MAF: variants seen among roughly 807,000 people sequenced by gnomAD.
The protein encoded by MAF is transcription factor Maf.
In MAF, 10 loss-of-function variants were observed where a neutral mutation model predicts 22.0. The ratio of observed to expected loss-of-function variants is 0.45; its 90% CI spans 0.28 to 0.77. MAF has a LOEUF of 0.77. Ranked by LOEUF, MAF falls within the 30% of genes least tolerant of loss-of-function variation. MAF has a pLI of 0.12. For missense variants in MAF, 544 were observed against 548.4 expected (o/e 0.99, Z 0.08); for synonymous variants, 337 against 255.8 (o/e 1.32, Z -3.03).
the MAF span, among the ~76,000 whole-genome samples, chr16:79,454,501 G>A: frequency 6.6e-6 from 1 of 152,100 alleles, no homozygotes; most frequent in Non-Finnish European, 1.5e-5. Flanking sequence ...ATTAGAAGAA[G>A]AAAAGGAAGA....
the MAF span, among the ~76,000 whole-genome samples, chr16:79,545,316 G>T: frequency 6.6e-5 from 10 of 152,128 alleles, no homozygotes; most frequent in Non-Finnish European, 1.0e-4. Context: ...GAAAGGTGGG[G>T]AATGCAGAAC....
the MAF span, among the ~76,000 whole-genome samples, chr16:79,222,841 C>A: frequency 2.6e-5 from 4 of 152,140 alleles, no homozygotes; most frequent in Admixed American, 2.0e-4. Context: ...TATATGCACC[C>A]AATACCGGAG....
the MAF span, among the ~76,000 whole-genome samples, chr16:79,417,966 G>C: frequency 2.0e-5 from 3 of 152,082 alleles, no homozygotes; most frequent in African/African-American, 7.2e-5. Context: ...CCCCCGACTG[G>C]CCTATGTGTG....
the MAF span, among the ~76,000 whole-genome samples, chr16:79,399,499 T>C: frequency 6.6e-6 from 1 of 152,216 alleles, no homozygotes; most frequent in Admixed American, 6.5e-5. Flanking sequence ...CCTAACATCA[T>C]GGCTTCAGCC....
the MAF span, among the ~76,000 whole-genome samples, chr16:79,333,011 G>A: frequency 6.6e-5 from 10 of 152,306 alleles, no homozygotes; most frequent in East Asian, 5.8e-4. Flanking sequence ...CTGGACTGGC[G>A]CACAGCAGGT....
the MAF span, among the ~76,000 whole-genome samples, chr16:79,345,234 T>C: frequency 2.0e-5 from 3 of 152,196 alleles, no homozygotes; most frequent in African/African-American, 7.2e-5. Context: ...TAATATAATG[T>C]GCTTCCTAAA....
the MAF span, among the ~76,000 whole-genome samples, chr16:79,210,695 C>G: frequency 6.6e-6 from 1 of 151,998 alleles, no homozygotes; most frequent in African/African-American, 2.4e-5. Flanking sequence ...TCCCTCTGAA[C>G]AGCAGCCTAT....
the MAF span, among the ~76,000 whole-genome samples, chr16:79,368,298 G>A: frequency 6.6e-6 from 1 of 152,106 alleles, no homozygotes; most frequent in Admixed American, 6.5e-5. Context: ...CTATCTGCTT[G>A]AAATCATCCA....
chr16:79,371,286 C>A, the MAF span, among the ~76,000 whole-genome samples: 1 of 152,068 alleles, frequency 6.6e-6, no homozygotes, highest in Admixed American at 6.6e-5. Context: ...TGGAAAGTGA[C>A]CCTCCCTTGA....
At chr16:79,535,257 C>G in the MAF span, among the ~76,000 whole-genome samples, 1 of 152,010 alleles carries the variant, frequency 6.6e-6, no homozygotes. Context: ...TAGAGTTACT[C>G]AGAGACTGGC....
the MAF span, among the ~76,000 whole-genome samples, chr16:79,321,123 G>A: frequency 6.6e-6 from 1 of 152,192 alleles, no homozygotes; most frequent in Non-Finnish European, 1.5e-5. Flanking sequence ...GCTGTTCTGT[G>A]CCAATCACTG....
At chr16:79,405,433 T>C in the MAF span, among the ~76,000 whole-genome samples, 1 of 152,164 alleles carries the variant, frequency 6.6e-6, no homozygotes, top group Non-Finnish European at 1.5e-5. Context: ...CTCCTATTAG[T>C]TGAGAAAGTA....
chr16:79,432,301 G>A, the MAF span, among the ~76,000 whole-genome samples: 1 of 152,064 alleles, frequency 6.6e-6, no homozygotes, highest in Non-Finnish European at 1.5e-5. Flanking sequence ...GGATCTGTGG[G>A]TCAATGAGAC....
chr16:79,487,017 C>T, the MAF span, among the ~76,000 whole-genome samples: 11 of 151,996 alleles, frequency 7.2e-5, no homozygotes, highest in South Asian at 1.9e-3. Context: ...ACTTGGTGGT[C>T]GAGGTGAGAG....
the MAF span, among the ~76,000 whole-genome samples, chr16:79,283,355 T>A: frequency 6.6e-6 from 1 of 152,218 alleles, no homozygotes; most frequent in African/African-American, 2.4e-5. Flanking sequence ...AGTTTACACT[T>A]TGGGCTAGAA....
chr16:79,461,334 T>C, the MAF span, among the ~76,000 whole-genome samples: 3 of 152,112 alleles, frequency 2.0e-5, no homozygotes, highest in African/African-American at 7.2e-5. Context: ...AACCAGTCTA[T>C]TGTGAGTATT....
At chr16:79,254,320 G>A in the MAF span, among the ~76,000 whole-genome samples, 3 of 152,068 alleles carry the variant, frequency 2.0e-5, no homozygotes, top group South Asian at 4.2e-4. Flanking sequence ...TAACACGGTA[G>A]CATCAATATT....
At chr16:79,460,571 A>T in the MAF span, among the ~76,000 whole-genome samples, 2 of 149,118 alleles carry the variant, frequency 1.3e-5, no homozygotes, top group African/African-American at 4.9e-5. Flanking sequence ...AATTAGGGAT[A>T]AAAAAATCCA....
chr16:79,587,886 T>C (rs965375489), intron 1 of MAF, among the ~76,000 whole-genome samples: 9 of 144,204 alleles, frequency 6.2e-5, no homozygotes, highest in Admixed American at 1.4e-4. Context: ...GGGGGGTAGA[T>C]ACTATTTGCA....
Sources: allele counts gnomAD v4.1 joint callset (sites outside exome capture counted in the v4.1 genomes callset), GRCh38; gene constraint gnomAD v4.1.1; transcripts MANE v1.5; gene names NCBI Gene and HGNC (gene_info 2026-07-23, HGNC 2026-07-21).